Variants in JAG2 observed in about 807,000 individuals in gnomAD.
JAG2 encodes the protein jagged canonical Notch ligand 2, also known as protein jagged-2.
JAG2 carries 46 observed loss-of-function variants against 141.7 expected under a neutral mutation model. That is an observed-to-expected ratio of 0.32 (90% confidence interval 0.26 to 0.42). JAG2 has a LOEUF of 0.42. Ranked by LOEUF, JAG2 falls within the 10% of genes least tolerant of loss-of-function variation. The probability of loss-of-function intolerance (pLI) is 1.00; values close to 1 mark genes in which losing one functional copy is unlikely to be tolerated. For missense variants in JAG2, 1,500 were observed against 1,817.5 expected (o/e 0.83, Z 3.18); for synonymous variants, 862 against 763.5 (o/e 1.13, Z -2.13).
rs375191395 is a variant in JAG2, at chr14:105,155,676, C to T, written c.728-54G>A. On this transcript the variant is annotated intron_variant, in intron 4 of 25. Transcript: ENST00000331782. The stretch of plus-strand genomic sequence containing the variant: ...GCTGCAGCCAGCCTGGCCGCAAGGC[C>T]TGTGCCCGGGGCCCTGCCCGAGGCC... 12,254 of 1,612,398 alleles carry T rather than the reference C, an allele frequency of 7.6e-3. 102 individuals carry two copies. Among genetic ancestry groups the T allele is most frequent in the Non-Finnish European group, 8.2e-3 (9,695 of 1,179,746 alleles).
chr14:105,151,520 C>T, intron 8 of JAG2, 106 bp downstream of exon 8: 1 of 1,335,868 alleles, frequency 7.5e-7, no homozygotes, highest in Non-Finnish European at 1.1e-6. Context: ...CAGCCGCAGC[C>T]ACACGTGTGG....
chr14:105,164,812 G>A lies in JAG2; in HGVS notation c.417+2945C>T, dbSNP rs909084873. Among the ~76,000 whole-genome samples, 3 of 152,172 alleles carry A rather than the reference G, an allele frequency of 2.0e-5. No individual in the cohort carries two copies. In the East Asian group the frequency reaches 5.8e-4, roughly 29 times the overall value. ...GAGTCCAGCAGCCCCATCTGACTTC[G>A]TGAGACCTGCAATGAAAAAGCGGCA... On this transcript the variant is annotated intron_variant, in intron 2 of 25. Coordinates refer to ENST00000331782, the MANE Select transcript of JAG2 (RefSeq NM_002226.5).
chr14:105,155,444 A>G, intron 5 of JAG2, 118 bp downstream of exon 5: 1 of 1,150,312 alleles, frequency 8.7e-7, no homozygotes, highest in Non-Finnish European at 1.3e-6. Context: ...CGGCTCTCAC[A>G]GCTGTGTGCC....
At chr14:105,153,611 C>A (rs1566765373) in intron 5 of JAG2, among the ~76,000 whole-genome samples, 1 of 152,152 alleles carries the variant, frequency 6.6e-6, no homozygotes, top group East Asian at 1.9e-4. Context: ...TCCGCAGCAT[C>A]CGGTGGGGGG....
chr14:105,157,783 G>A lies in JAG2; in HGVS notation c.418-20C>T, dbSNP rs760581264. 3.8e-6 allele frequency: 6 copies of A among 1,562,134 alleles called. No individual in the cohort carries two copies. The East Asian group carries it at 1.2e-4, about 31-fold the overall frequency. On this transcript the variant is annotated intron_variant, in intron 2 of 25. Transcript: ENST00000331782. ...GGAGCGCTGCAGACATGGGGAGGCG[G>A]GTCAGGTACCTGAGGCCACACCTGC...
chr14:105,151,207 A>C, intron 9 of JAG2, 76 bp downstream of exon 9: 1 of 1,453,076 alleles, frequency 6.9e-7, no homozygotes, highest in East Asian at 2.5e-5. Flanking sequence ...CAGCCCCAGC[A>C]GCCCCCGCAG....
At chr14:105,151,893 C>A in intron 7 of JAG2, 45 bp downstream of exon 7, 1 of 1,612,062 alleles carries the variant, frequency 6.2e-7, no homozygotes, top group East Asian at 2.2e-5. Context: ...CCCAGGGAAC[C>A]AGTCCCTGCC....
At chr14:105,146,036 A>T in intron 22 of JAG2, 63 bp from the exon 23 acceptor site, 1 of 1,561,304 alleles carries the variant, frequency 6.4e-7, no homozygotes, top group South Asian at 1.2e-5. Context: ...GCAGGCACAC[A>T]GATGAGAACC....
rs767175421 is a variant in JAG2 at position 105,147,862 on chromosome 14, G to T, written c.2275C>A (p.Pro759Thr). 1.9e-6 allele frequency: 3 copies of T among 1,553,006 alleles called. No individual in the cohort carries two copies. Among genetic ancestry groups the T allele is most frequent in the Non-Finnish European group, 2.6e-6 (3 of 1,149,820 alleles). The change falls in exon 18 of 26, where the codon CCC becomes ACC. Residue 759 changes from proline to threonine, a missense_variant. By Grantham distance (38) the Pro-to-Thr change is conservative. Transcript: ENST00000331782. ...VAKNSSCLPN[P>T]CVNGGTCVGS... Reference sequence around the variant, plus strand: ...ACGCAGGTGCCACCATTCACACAGGGGTTGGGCAGGCAGCTGCTGTTCTTG... The same window carrying T: ...ACGCAGGTGCCACCATTCACACAGGTGTTGGGCAGGCAGCTGCTGTTCTTG...
intron 25 of JAG2, 111 bp from the exon 26 acceptor site, chr14:105,143,281 C>G (rs1207741587): frequency 7.3e-7 from 1 of 1,372,900 alleles, no homozygotes; most frequent in Non-Finnish European, 1.0e-6. Context: ...CGGGCCCCAC[C>G]CTCCGGTTGC....
In JAG2 at chr14:105,162,003, T is replaced by A. The variant is rs181255680; in HGVS notation, c.418-4240A>T. On this transcript the variant is annotated intron_variant, in intron 2 of 25. Transcript: ENST00000331782. ...CTATAGGGCCTGGATTGGGCGGGGG[T>A]TGGCGGGCATGTTGCCCTTCTAGGA... Among the ~76,000 whole-genome samples the A allele has an allele frequency of 2.0e-3, 301 of 152,090 alleles. 2 individuals are homozygous for A. Among genetic ancestry groups the A allele is most frequent in the African/African-American group, 6.8e-3 (283 of 41,472 alleles).
intron 2 of JAG2, among the ~76,000 whole-genome samples, chr14:105,164,288 G>C (rs1289328750): frequency 6.6e-6 from 1 of 152,114 alleles, no homozygotes; most frequent in African/African-American, 2.4e-5. Context: ...CCAAAGCTTT[G>C]AACCAGACCC....
rs587651740 is a variant in JAG2 at position 105,146,451 on chromosome 14, G to A, written c.2643C>T (p.His881=). The change falls in exon 22 of 26, where the codon CAC becomes CAT. Residue 881 remains histidine (H), a synonymous_variant. Coordinates refer to ENST00000331782, the MANE Select transcript of JAG2 (RefSeq NM_002226.5). The stretch of plus-strand genomic sequence containing the variant: ...TGCAGTCTTCCACCCAGGAGCTTCC[G>A]TGTGGGAACGGAGTGCCCCGGGACC... ...SCWSRGTPFP[H]GSSWVEDCNS... is the part of the protein sequence containing the mutation. 27 of 1,612,762 alleles carry A rather than the reference G, an allele frequency of 1.7e-5. No individual in the cohort carries two copies. The highest frequency in any genetic ancestry group is 3.3e-5 in the South Asian group (3 of 91,082).
chr14:105,145,887 C>A lies in JAG2; in HGVS notation c.2796G>T (p.Glu932Asp). 1 of 1,562,126 alleles carries A rather than the reference C, an allele frequency of 6.4e-7. No homozygotes were observed. The highest frequency in any genetic ancestry group is 8.7e-7 in the Non-Finnish European group (1 of 1,154,104). Residue 932 changes from glutamate (E) to aspartate (D), a missense_variant, in exon 23 of 26, where the codon GAG (glutamate) becomes GAT (aspartate). Physicochemically the swap from Glu to Asp is conservative, Grantham distance 45 (BLOSUM62 2). This residue lies in a region of JAG2 where 875 missense variants were observed against 1,202.2 expected (regional missense o/e 0.73). Coordinates refer to ENST00000331782, the MANE Select transcript of JAG2 (RefSeq NM_002226.5). Reference protein sequence around the residue: ...AQCPLGQRCLEKAPGQCLRPP... With the variant: ...AQCPLGQRCLDKAPGQCLRPP... ...GTCGCAGACACTGGCCTGGGGCCTT[C>A]TCCAGGCACCTTTGCCCCAGTGGGC...
chr14:105,156,924 G>A (rs3784240), intron 3 of JAG2, among the ~76,000 whole-genome samples: 11,331 of 151,926 alleles, frequency 0.075, 597 homozygotes, highest in East Asian at 0.22. Flanking sequence ...CCCCACCGCC[G>A]TCCCTGCCCT....
rs1384032964 is a variant in JAG2, at chr14:105,155,891, G to C, written c.574C>G (p.Leu192Val). ...TCGTCGCAGCGCACGCGGATCTGCA[G>C]CTCCAGGTGCGCCACGTGGCCGCTG... ...HFSGHVAHLE[L>V]QIRVRCDENY... The change falls in exon 4 of 26, where the codon CTG becomes GTG. Residue 192 changes from leucine (L) to valine (V), a missense_variant. This residue lies in a region of JAG2 where 875 missense variants were observed against 1,202.2 expected (regional missense o/e 0.73). Coordinates refer to ENST00000331782, the MANE Select transcript of JAG2 (RefSeq NM_002226.5). 6.2e-7 allele frequency: 1 copy of C among 1,612,202 alleles called. No individual in the cohort carries two copies. Among genetic ancestry groups the C allele is most frequent in the Non-Finnish European group, 8.5e-7 (1 of 1,179,772 alleles).
intron 20 of JAG2, 175 bp from the exon 21 acceptor site, chr14:105,146,899 C>A (rs1400063708): frequency 2.9e-6 from 2 of 683,314 alleles, no homozygotes; most frequent in Non-Finnish European, 5.3e-6. Flanking sequence ...CTGAGCCCAG[C>A]CTGACCCTGG....
Position 105,167,925 on chromosome 14 carries a change from C to G in JAG2, c.249G>C (p.Thr83=). The G allele has an allele frequency of 6.3e-7, 1 of 1,598,710 alleles. No homozygotes were observed. Residue 83 remains threonine, a synonymous_variant, in exon 2 of 26, where the codon ACG becomes ACC. Transcript: ENST00000331782. The surrounding 1 kb of genome is among the most constrained non-coding windows in gnomAD (Gnocchi z 4.8). ...VCLKEYQAKV[T]PTGPCSYGHG... ...GGCCGTAGCTGCAGGGCCCCGTGGG[C>G]GTCACCTTGGCCTGGTACTCCTTAA...
Position 105,167,740 on chromosome 14 carries a change from G to C in JAG2, c.417+17C>G. 1 of 1,447,928 alleles carries C rather than the reference G, an allele frequency of 6.9e-7. No homozygotes were observed. The highest frequency in any genetic ancestry group is 9.1e-7 in the Non-Finnish European group (1 of 1,101,658). 89.7% of individuals were successfully genotyped at this position (1,447,928 alleles called of 1,614,324 possible). A position where few individuals can be genotyped will look rare whatever the true frequency, so the allele number is the denominator to read the frequency against. On this transcript the variant is annotated intron_variant, in intron 2 of 25. Coordinates refer to ENST00000331782, the MANE Select transcript of JAG2 (RefSeq NM_002226.5). The surrounding 1 kb of genome is among the most constrained non-coding windows in gnomAD (Gnocchi z 4.8). ...AGAGAGGGAAGGGCTGGAGCACGAGGGATGGAGCGCACGTACCGGCCAGGC... is the reference window on the plus strand; with the variant it reads ...AGAGAGGGAAGGGCTGGAGCACGAGCGATGGAGCGCACGTACCGGCCAGGC...
Sources: allele counts gnomAD v4.1 joint callset (sites outside exome capture counted in the v4.1 genomes callset), GRCh38; gene constraint gnomAD v4.1.1; regional missense constraint gnomAD v4.1.1; non-coding constraint Gnocchi (gnomAD v3.1); transcripts MANE v1.5; gene names NCBI Gene and HGNC (gene_info 2026-07-23, HGNC 2026-07-21).